Variants in KPNA3 observed in about 807,000 individuals in gnomAD.
KPNA3 encodes the protein importin subunit alpha-4.
In KPNA3, 13 loss-of-function variants were observed where a neutral mutation model predicts 73.8. The observed-to-expected ratio is 0.18, with a 90% CI of 0.11 to 0.28. The LOEUF is 0.28. Among genes scored for constraint, KPNA3 ranks in the 10% least tolerant of loss-of-function variants. The pLI, the probability that KPNA3 is intolerant of heterozygous loss-of-function variation, is 1.00. For missense variants in KPNA3, 360 were observed against 618.1 expected (o/e 0.58, Z 4.43); for synonymous variants, 186 against 206.9 (o/e 0.90, Z 0.87).
intron 7 of KPNA3, 73 bp from the exon 8 acceptor site, chr13:49,722,636 T>C: frequency 1.1e-6 from 1 of 898,902 alleles, no homozygotes; most frequent in Non-Finnish European, 1.7e-6. Context: ...TCAAAGAAAT[T>C]GATCAAATAC....
intron 15 of KPNA3, among the ~76,000 whole-genome samples, chr13:49,705,167 T>C (rs988019733): frequency 1.3e-5 from 2 of 152,180 alleles, no homozygotes; most frequent in African/African-American, 4.8e-5. Flanking sequence ...GAGACCAGCC[T>C]GGCCAACATG....
At chr13:49,783,881 AG>A (rs1451312983) in intron 1 of KPNA3, among the ~76,000 whole-genome samples, 1 of 152,224 alleles carries the variant, frequency 6.6e-6, no homozygotes, top group African/African-American at 2.4e-5. Context: ...ATATATTCTA[AG>A]GTACACACTA....
intron 1 of KPNA3, among the ~76,000 whole-genome samples, chr13:49,755,208 AAATC>A (rs1239289037): frequency 1.3e-5 from 2 of 152,216 alleles, no homozygotes; most frequent in African/African-American, 4.8e-5. Context: ...CTGTATTTGA[AAATC>A]AATCAATATA....
chr13:49,748,384 C>T (rs1441014108), intron 1 of KPNA3, among the ~76,000 whole-genome samples: 1 of 152,036 alleles, frequency 6.6e-6, no homozygotes, highest in Non-Finnish European at 1.5e-5. Context: ...ATATATATCT[C>T]CCCTCTAACA....
At chr13:49,746,579 C>T (rs1241823595) in intron 2 of KPNA3, among the ~76,000 whole-genome samples, 1 of 152,200 alleles carries the variant, frequency 6.6e-6, no homozygotes, top group Non-Finnish European at 1.5e-5. Flanking sequence ...CAGTTGCTTT[C>T]AGTTGGGAAA....
intron 1 of KPNA3, among the ~76,000 whole-genome samples, chr13:49,791,790 G>A (rs1047317331): frequency 1.2e-4 from 19 of 152,222 alleles, no homozygotes; most frequent in Admixed American, 9.2e-4. Flanking sequence ...GCAGGAGTAT[G>A]AGCTGCAACA....
chr13:49,720,234 C>T (rs1954342380), intron 9 of KPNA3, among the ~76,000 whole-genome samples: 1 of 152,096 alleles, frequency 6.6e-6, no homozygotes, highest in East Asian at 1.9e-4. Flanking sequence ...CGTAAAAATA[C>T]GATTTTACTT....
At chr13:49,704,960 G>T (rs138493088) in intron 15 of KPNA3, among the ~76,000 whole-genome samples, 34 of 152,286 alleles carry the variant, frequency 2.2e-4, no homozygotes, top group African/African-American at 7.7e-4. Flanking sequence ...AGAAGTTTAA[G>T]AAATGCTGGA....
At chr13:49,718,811 G>A (rs541960376) in intron 10 of KPNA3, among the ~76,000 whole-genome samples, 1 of 152,242 alleles carries the variant, frequency 6.6e-6, no homozygotes, top group East Asian at 1.9e-4. Flanking sequence ...CTGCAAATGA[G>A]CTAGAGTAAT....
intron 1 of KPNA3, among the ~76,000 whole-genome samples, chr13:49,777,934 G>A (rs1263614509): frequency 6.6e-6 from 1 of 152,042 alleles, no homozygotes; most frequent in African/African-American, 2.4e-5. Context: ...ACATCAACCT[G>A]CTTAGCCCAC....
intron 1 of KPNA3, among the ~76,000 whole-genome samples, chr13:49,749,118 C>T (rs969363255): frequency 1.3e-5 from 2 of 152,194 alleles, no homozygotes; most frequent in Non-Finnish European, 2.9e-5. Flanking sequence ...GGCAGCATAT[C>T]TGCTCCAAAA....
chr13:49,735,389 T>G (rs1354991151), intron 2 of KPNA3, among the ~76,000 whole-genome samples: 1 of 152,092 alleles, frequency 6.6e-6, no homozygotes, highest in Non-Finnish European at 1.5e-5. Flanking sequence ...CCAAAAGTGG[T>G]AGGGTTACAG....
intron 1 of KPNA3, among the ~76,000 whole-genome samples, chr13:49,770,834 C>CAAAA (rs759842886): frequency 5.9e-5 from 5 of 85,428 alleles, no homozygotes; most frequent in Non-Finnish European, 9.7e-5. Context: ...ACCCACCTAC[C>CAAAA]AAAAAAAAAA....
chr13:49,746,183 C>T (rs1008072315), intron 2 of KPNA3, among the ~76,000 whole-genome samples: 5 of 151,994 alleles, frequency 3.3e-5, no homozygotes, highest in Non-Finnish European at 7.4e-5. Flanking sequence ...ACAATTTGGG[C>T]CAGGCATGGC....
At chr13:49,772,452 G>A (rs1043762137) in intron 1 of KPNA3, among the ~76,000 whole-genome samples, 11 of 152,144 alleles carry the variant, frequency 7.2e-5, no homozygotes, top group East Asian at 3.9e-4. Flanking sequence ...TAGAATTCTC[G>A]CACTGTTGGT....
At chr13:49,788,181 T>C (rs1425603830) in intron 1 of KPNA3, among the ~76,000 whole-genome samples, 3 of 152,228 alleles carry the variant, frequency 2.0e-5, no homozygotes, top group African/African-American at 2.4e-5. Context: ...ACTGATATAC[T>C]GTAAACAATA....
intron 15 of KPNA3, 92 bp downstream of exon 15, chr13:49,705,529 T>C: frequency 8.2e-7 from 1 of 1,223,012 alleles, no homozygotes; most frequent in South Asian, 1.4e-5. Context: ...CAACGTATCC[T>C]AGTAATTTTC....
intron 6 of KPNA3, among the ~76,000 whole-genome samples, chr13:49,729,294 T>C (rs573359714): frequency 1.3e-5 from 2 of 152,242 alleles, no homozygotes; most frequent in East Asian, 3.9e-4. Flanking sequence ...AGACAGTATA[T>C]GTTGCCTCAG....
chr13:49,715,020 T>C (rs902446172), intron 10 of KPNA3, among the ~76,000 whole-genome samples: 3 of 151,976 alleles, frequency 2.0e-5, no homozygotes, highest in African/African-American at 7.2e-5. Flanking sequence ...TATTAATAGA[T>C]TTAAGGAGAA....
Sources: allele counts gnomAD v4.1 joint callset (sites outside exome capture counted in the v4.1 genomes callset), GRCh38; gene constraint gnomAD v4.1.1; transcripts MANE v1.5; gene names NCBI Gene and HGNC (gene_info 2026-07-23, HGNC 2026-07-21).